GRID1: variants seen among roughly 807,000 people sequenced by gnomAD.
GRID1 encodes glutamate receptor ionotropic, delta-1.
Under a neutral mutation model 98.0 loss-of-function variants are expected in GRID1, and 28 were observed. The observed-to-expected ratio is 0.29, with a 90% confidence interval of 0.21 to 0.39. The LOEUF (loss-of-function observed/expected upper bound fraction) is 0.39, where lower values mean the gene tolerates loss of function less well. Ranked by LOEUF, GRID1 falls within the 10% of genes least tolerant of loss-of-function variation. The probability of loss-of-function intolerance (pLI) is 1.00; values close to 1 mark genes in which losing one functional copy is unlikely to be tolerated. For synonymous variants in GRID1, 553 were observed against 538.5 expected (o/e 1.03, Z -0.37); for missense variants, 1,111 against 1,340.5 (o/e 0.83, Z 2.67).
chr10:86,103,357 T>C (rs1844327842), intron 4 of GRID1, among the ~76,000 whole-genome samples: 1 of 152,190 alleles, frequency 6.6e-6, no homozygotes, highest in African/African-American at 2.4e-5. Flanking sequence ...AGGGCCCAGG[T>C]GGGGAATTCT....
At chr10:85,991,695 A>C (rs76425624) in intron 4 of GRID1, among the ~76,000 whole-genome samples, 10,745 of 152,286 alleles carry the variant, frequency 0.071, 438 homozygotes, top group Middle Eastern at 0.099. Context: ...AAGAGGGGAA[A>C]GAGCAGAAAA....
chr10:85,900,696 A>G (rs1841368919), intron 5 of GRID1, among the ~76,000 whole-genome samples: 1 of 152,182 alleles, frequency 6.6e-6, no homozygotes, highest in South Asian at 2.1e-4. Flanking sequence ...CTGAGCTGTA[A>G]TTTAGTGATC....
chr10:85,993,114 G>C lies in GRID1; in HGVS notation c.727-76875C>G, dbSNP rs547150220. 2.0e-5 allele frequency among the ~76,000 whole-genome samples: 3 copies of C among 152,320 alleles called. No individual in the cohort carries two copies. The South Asian group carries it at 6.2e-4, about 32-fold the overall frequency. On this transcript the variant is annotated intron_variant, in intron 4 of 15. Transcript: ENST00000327946. ...GGGAATAAGACTTTCAACTTGACAG[G>C]CTATCCCCAGAGGACAACCGGTTTG... is the stretch of plus-strand genomic sequence containing the variant.
intron 12 of GRID1, among the ~76,000 whole-genome samples, chr10:85,705,950 T>C (rs1244658103): frequency 6.6e-6 from 1 of 152,222 alleles, no homozygotes; most frequent in Non-Finnish European, 1.5e-5. Flanking sequence ...TAGGTATTGA[T>C]GGGACGTATC....
chr10:86,306,392 T>C (rs1020869507), intron 2 of GRID1, among the ~76,000 whole-genome samples: 1 of 152,180 alleles, frequency 6.6e-6, no homozygotes, highest in Admixed American at 6.5e-5. Flanking sequence ...CCCCAATAGC[T>C]TCCTCCCAGT....
At chr10:85,914,877 G>A (rs1841590611) in intron 5 of GRID1, among the ~76,000 whole-genome samples, 1 of 152,180 alleles carries the variant, frequency 6.6e-6, no homozygotes, top group Non-Finnish European at 1.5e-5. Context: ...CACATTCTGA[G>A]TCAGCTTTTA....
intron 3 of GRID1, among the ~76,000 whole-genome samples, chr10:86,159,188 G>A (rs1278754762): frequency 6.6e-6 from 1 of 152,158 alleles, no homozygotes; most frequent in Non-Finnish European, 1.5e-5. Context: ...ATGTTGAAAT[G>A]ACAATAATGG....
intron 2 of GRID1, among the ~76,000 whole-genome samples, chr10:86,347,342 A>C (rs930366683): frequency 1.6e-4 from 24 of 151,394 alleles, no homozygotes; most frequent in Non-Finnish European, 1.6e-4. Flanking sequence ...TCTCCAAGTG[A>C]CCCCACCCCC....
At chr10:85,872,019 G>C (rs1843282871) in intron 5 of GRID1, among the ~76,000 whole-genome samples, 3 of 152,094 alleles carry the variant, frequency 2.0e-5, no homozygotes, top group Admixed American at 6.6e-5. Flanking sequence ...CATATCTCAG[G>C]ACTACCAGAT....
At chr10:85,714,319 G>A (rs557784347) in intron 12 of GRID1, among the ~76,000 whole-genome samples, 48 of 152,086 alleles carry the variant, frequency 3.2e-4, no homozygotes, top group African/African-American at 1.1e-3. Context: ...ATGTTTATCT[G>A]AGTGATGAAA....
At chr10:86,224,995 C>T (rs1490613621) in intron 2 of GRID1, among the ~76,000 whole-genome samples, 1 of 152,204 alleles carries the variant, frequency 6.6e-6, no homozygotes, top group African/African-American at 2.4e-5. Flanking sequence ...GGCACAGGTG[C>T]CGGAGGAATG....
chr10:86,270,548 G>A (rs1020250590), intron 2 of GRID1, among the ~76,000 whole-genome samples: 2 of 152,124 alleles, frequency 1.3e-5, no homozygotes, highest in Non-Finnish European at 2.9e-5. Context: ...AAATTAGCCA[G>A]GTGTGGTGGT....
chr10:86,304,635 T>C (rs1847734547), intron 2 of GRID1, among the ~76,000 whole-genome samples: 1 of 152,254 alleles, frequency 6.6e-6, no homozygotes, highest in African/African-American at 2.4e-5. Context: ...GTATGACTCA[T>C]GGCCTGGCAC....
intron 13 of GRID1, among the ~76,000 whole-genome samples, chr10:85,625,471 G>A (rs1051140205): frequency 2.6e-5 from 4 of 152,108 alleles, no homozygotes; most frequent in African/African-American, 7.2e-5. Context: ...AAACAAACAT[G>A]GTCCAGACAA....
At position 85,856,085 on chromosome 10, in the gene GRID1, G is replaced by T. The variant is rs762228383; in HGVS notation, c.1057C>A (p.Arg353=). The T allele has an allele frequency of 2.3e-5, 37 of 1,614,130 alleles. No homozygotes were observed. Among genetic ancestry groups the T allele is most frequent in the Non-Finnish European group, 2.5e-5 (29 of 1,179,986 alleles). Residue 353 remains arginine (R), a synonymous_variant, in exon 7 of 16, where the codon CGG becomes AGG. Transcript: ENST00000327946. ...WHSMASLNCI[R]KSTKPWNGGR... Reference sequence around the variant, plus strand: ...CCATTCCATGGCTTAGTGGATTTCCGTATGCAGTTGAGGCTCGCCATGCTA... The same window carrying T: ...CCATTCCATGGCTTAGTGGATTTCCTTATGCAGTTGAGGCTCGCCATGCTA...
chr10:86,008,108 G>C (rs55859631), intron 4 of GRID1, among the ~76,000 whole-genome samples: 1 of 152,268 alleles, frequency 6.6e-6, no homozygotes, highest in Non-Finnish European at 1.5e-5. Flanking sequence ...CATCTCCCCT[G>C]TTGGCCTGAT....
At chr10:86,027,207 A>G (rs1406560559) in intron 4 of GRID1, among the ~76,000 whole-genome samples, 1 of 152,222 alleles carries the variant, frequency 6.6e-6, no homozygotes, top group Non-Finnish European at 1.5e-5. Context: ...GAATATTTTT[A>G]TCACCCCCAA....
intron 5 of GRID1, among the ~76,000 whole-genome samples, chr10:85,893,152 T>C (rs552772658): frequency 6.6e-6 from 1 of 152,010 alleles, no homozygotes. Context: ...TCTCAATAGA[T>C]GCACAAAAAA....
chr10:86,074,519 G>A (rs1285763044), intron 4 of GRID1, among the ~76,000 whole-genome samples: 1 of 152,122 alleles, frequency 6.6e-6, no homozygotes, highest in Non-Finnish European at 1.5e-5. Context: ...GACATAATTT[G>A]CAAATGACAT....
Sources: gnomAD v4.1 joint callset for allele counts (sites outside exome capture counted in the v4.1 genomes callset) on GRCh38, gnomAD v4.1.1 for gene constraint, MANE v1.5 for transcripts, NCBI Gene and HGNC (gene_info 2026-07-23, HGNC 2026-07-21) for gene names.